THSD7B: variants seen among roughly 807,000 people sequenced by gnomAD.
The protein encoded by THSD7B is thrombospondin type 1 domain containing 7B.
A neutral mutation model predicts 213.6 loss-of-function variants in THSD7B; 138 were observed. That is an observed-to-expected ratio of 0.65 (90% confidence interval 0.56 to 0.74). The LOEUF is 0.74. Ranked by LOEUF, THSD7B falls within the 30% of genes least tolerant of loss-of-function variation. The pLI, the probability that THSD7B is intolerant of heterozygous loss-of-function variation, is 0.00. For synonymous variants in THSD7B, 742 were observed against 687.0 expected (o/e 1.08, Z -1.25); for missense variants, 1,931 against 1,991.5 (o/e 0.97, Z 0.58).
At chr2:137,302,029 C>G (rs1211998267) in intron 12 of THSD7B, among the ~76,000 whole-genome samples, 1 of 152,024 alleles carries the variant, frequency 6.6e-6, no homozygotes, top group Non-Finnish European at 1.5e-5. Flanking sequence ...GATGATGTGA[C>G]TTGGACCAGA....
At chr2:136,919,976 G>A (rs192433587) in intron 2 of THSD7B, among the ~76,000 whole-genome samples, 1 of 152,364 alleles carries the variant, frequency 6.6e-6, no homozygotes. Flanking sequence ...GCTTGGAGAT[G>A]TCAGGATTGC....
intron 2 of THSD7B, among the ~76,000 whole-genome samples, chr2:136,970,462 CA>C (rs35380324): frequency 0.47 from 70,176 of 150,430 alleles, 19,005 homozygotes; most frequent in East Asian, 0.78. Context: ...GAGTCTGTCT[CA>C]AAAAAACAAA....
At chr2:137,350,731 G>T (rs1432443552) in intron 12 of THSD7B, among the ~76,000 whole-genome samples, 1 of 151,802 alleles carries the variant, frequency 6.6e-6, no homozygotes, top group Non-Finnish European at 1.5e-5. Context: ...GAGGAGACAG[G>T]ATCGTAGCTT....
chr2:137,649,124 G>T (rs1683091885), intron 21 of THSD7B, among the ~76,000 whole-genome samples: 1 of 151,762 alleles, frequency 6.6e-6, no homozygotes, highest in Non-Finnish European at 1.5e-5. Flanking sequence ...ATTATTTGGG[G>T]GTTTTTTGCT....
At chr2:137,310,033 G>T (rs1334664602) in intron 12 of THSD7B, among the ~76,000 whole-genome samples, 4 of 150,982 alleles carry the variant, frequency 2.6e-5, no homozygotes, top group Non-Finnish European at 5.9e-5. Context: ...GTAATGGGAT[G>T]GCTGGGTCAA....
chr2:136,807,968 A>G (rs1682313569), intron 1 of THSD7B, among the ~76,000 whole-genome samples: 1 of 152,190 alleles, frequency 6.6e-6, no homozygotes, highest in Non-Finnish European at 1.5e-5. Context: ...CTCTTAGTGG[A>G]TAAGAGCTAG....
intron 3 of THSD7B, among the ~76,000 whole-genome samples, chr2:137,067,053 T>A (rs1329898218): frequency 6.6e-6 from 1 of 152,146 alleles, no homozygotes; most frequent in Non-Finnish European, 1.5e-5. Context: ...TGTTAGGGTT[T>A]CCATCTCACT....
At chr2:137,268,866 G>A (rs766659289) in intron 10 of THSD7B, among the ~76,000 whole-genome samples, 2 of 152,126 alleles carry the variant, frequency 1.3e-5, no homozygotes, top group Non-Finnish European at 2.9e-5. Flanking sequence ...TCTATCTCAA[G>A]TGTACACTGC....
intron 10 of THSD7B, among the ~76,000 whole-genome samples, chr2:137,261,915 CAA>C (rs369579882): frequency 7.8e-4 from 43 of 54,812 alleles, no homozygotes; most frequent in Middle Eastern, 0.013. Context: ...GAAAGTTTGT[CAA>C]AAAAAAAAAA....
intron 2 of THSD7B, among the ~76,000 whole-genome samples, chr2:136,957,905 T>C (rs905147215): frequency 3.3e-5 from 5 of 152,204 alleles, no homozygotes; most frequent in Admixed American, 3.3e-4. Context: ...TGAGGATTAA[T>C]ATGCTGCCTA....
intron 2 of THSD7B, among the ~76,000 whole-genome samples, chr2:136,937,673 T>C (rs1684758089): frequency 6.6e-6 from 1 of 152,176 alleles, no homozygotes; most frequent in Admixed American, 6.6e-5. Flanking sequence ...ATATTAACTG[T>C]CATTTCTATT....
chr2:137,394,996 T>A (rs989752402), intron 12 of THSD7B, among the ~76,000 whole-genome samples: 2 of 145,750 alleles, frequency 1.4e-5, no homozygotes, highest in South Asian at 4.5e-4. Context: ...TGCTTGTGAT[T>A]TTTGTACATT....
intron 15 of THSD7B, among the ~76,000 whole-genome samples, chr2:137,460,841 C>T (rs1053410423): frequency 6.6e-6 from 1 of 151,984 alleles, no homozygotes; most frequent in African/African-American, 2.4e-5. Flanking sequence ...ATCAGATGAC[C>T]CCTCTGTTTC....
At chr2:137,411,436 G>T (rs2105012403) in intron 13 of THSD7B, among the ~76,000 whole-genome samples, 173 bp from the exon 14 acceptor site, 1 of 152,300 alleles carries the variant, frequency 6.6e-6, no homozygotes, top group Non-Finnish European at 1.5e-5. Flanking sequence ...TTTCACAGTT[G>T]TTCTGGGAGT....
intron 10 of THSD7B, among the ~76,000 whole-genome samples, chr2:137,270,989 C>G (rs1682719945): frequency 6.6e-6 from 1 of 152,026 alleles, no homozygotes; most frequent in South Asian, 2.1e-4. Flanking sequence ...AGTAAGGAAG[C>G]TTTCATAGTG....
intron 13 of THSD7B, 130 bp downstream of exon 13, chr2:137,405,937 A>G (rs962365290): frequency 8.3e-6 from 6 of 720,770 alleles, no homozygotes; most frequent in African/African-American, 1.8e-5. Flanking sequence ...GTTAATACAT[A>G]TCCTCAAACT....
chr2:137,168,354 C>A (rs12993626), intron 6 of THSD7B, among the ~76,000 whole-genome samples: 9,408 of 152,252 alleles, frequency 0.062, 298 homozygotes, highest in Admixed American at 0.082. Context: ...TGGCAATTGT[C>A]TATCTTTCAG....
intron 5 of THSD7B, among the ~76,000 whole-genome samples, chr2:137,117,937 C>T (rs1186425336): frequency 1.3e-5 from 2 of 152,124 alleles, no homozygotes; most frequent in African/African-American, 4.8e-5. Flanking sequence ...TGTCTCATTC[C>T]TCACTGAACC....
intron 16 of THSD7B, among the ~76,000 whole-genome samples, chr2:137,567,837 C>G (rs1681270520): frequency 6.6e-6 from 1 of 152,014 alleles, no homozygotes; most frequent in African/African-American, 2.4e-5. Context: ...CTATTACAGT[C>G]CAGTTCAGAG....
Sources: allele counts gnomAD v4.1 joint callset (sites outside exome capture counted in the v4.1 genomes callset), GRCh38; gene constraint gnomAD v4.1.1; transcripts MANE v1.5; gene names NCBI Gene and HGNC (gene_info 2026-07-23, HGNC 2026-07-21).